Variants in UFD1 observed in about 807,000 individuals in gnomAD.
The protein encoded by UFD1 is ubiquitin recognition factor in ER-associated degradation protein 1.
A neutral mutation model predicts 45.9 loss-of-function variants in UFD1; 13 were observed. That is an observed-to-expected ratio of 0.28 (90% CI 0.18 to 0.45). The LOEUF (loss-of-function observed/expected upper bound fraction) is 0.45. UFD1 is among the 20% of genes least tolerant of loss of function. The pLI is 1.00. For synonymous variants in UFD1, 128 were observed against 139.2 expected (o/e 0.92, Z 0.56); for missense variants, 218 against 389.2 (o/e 0.56, Z 3.70).
intron 11 of UFD1, chr22:19,452,811 C>T (rs2089693574): frequency 6.5e-6 from 1 of 154,500 alleles, no homozygotes; most frequent in African/African-American, 2.4e-5. Context: ...AGGTGTGAGC[C>T]ATGGCGCTTG....
At position 19,456,588 on chromosome 22, in the gene UFD1, C is replaced by T. The variant is rs781669769; in HGVS notation, c.677G>A (p.Arg226His). The change falls in exon 9 of 12, where the codon CGC becomes CAC. Residue 226 changes from arginine (R) to histidine (H), a missense_variant and splice_region_variant. Around this residue, in one of 2 missense-constraint regions of UFD1, gnomAD observed 149 missense variants for 307.5 expected, o/e 0.48. Transcript: ENST00000263202. ...HSGYAGELGF[R>H]AFSGSGNRLD... ...TAAGTCAAGTGGTCTGGTACTCACG[C>T]GGAAGCCCAGCTCTCCAGCATAGCC... 9 of 1,614,044 alleles carry T rather than the reference C, an allele frequency of 5.6e-6. No homozygotes were observed. The highest frequency in any genetic ancestry group is 5.1e-6 in the Non-Finnish European group (6 of 1,180,050).
chr22:19,470,653 G>C (rs1309874201), intron 4 of UFD1: 7 of 437,218 alleles, frequency 1.6e-5, no homozygotes, highest in Admixed American at 4.9e-5. Context: ...TGTTGGCCAG[G>C]CTAGTCTCGA....
chr22:19,456,797 GGAA>G lies in UFD1; in HGVS notation c.630+53_630+55del, dbSNP rs2089726950. The G allele has an allele frequency of 3.1e-6, 5 of 1,613,816 alleles. No homozygotes were observed. In the Admixed American group the frequency reaches 6.7e-5, roughly 22 times the overall value. ...AGAGGCCACCCACGAGCCACTGCCA[GGAA>G]CTCAAAAGCAGCATGCAGCAGGACA... On this transcript the variant is annotated intron_variant, in intron 8 of 11. Coordinates refer to ENST00000263202, the MANE Select transcript of UFD1 (RefSeq NM_005659.7).
intron 4 of UFD1, 113 bp downstream of exon 4, chr22:19,471,574 C>A: frequency 6.8e-7 from 1 of 1,464,116 alleles, no homozygotes; most frequent in Non-Finnish European, 9.2e-7. Flanking sequence ...CAGGCTAAGA[C>A]GCTGAGCAGG....
At chr22:19,475,027 G>A in intron 3 of UFD1, 41 bp downstream of exon 3, 2 of 1,590,652 alleles carry the variant, frequency 1.3e-6, no homozygotes, top group Non-Finnish European at 1.7e-6. Context: ...GTGTCCATAT[G>A]TACATTATCT....
Position 19,456,916 on chromosome 22 carries a change from C to G in UFD1, c.567G>C (p.Val189=). 6.3e-7 allele frequency: 1 copy of G among 1,586,652 alleles called. No individual in the cohort carries two copies. Among genetic ancestry groups the G allele is most frequent in the Non-Finnish European group, 8.6e-7 (1 of 1,162,418 alleles). The change falls in exon 8 of 12, where the codon GTG becomes GTC. Residue 189 remains valine (V), a splice_region_variant and synonymous_variant. Coordinates refer to ENST00000263202, the MANE Select transcript of UFD1 (RefSeq NM_005659.7). ...AVSIIECDMN[V]DFDAPLGYKE... ...TGTAGCCCAGGGGAGCATCAAAGTC[C>G]ACCTGTGTTTCCAGGATTTTAAAAG...
At chr22:19,472,870 C>T (rs1286441322) in intron 3 of UFD1, among the ~76,000 whole-genome samples, 5 of 152,218 alleles carry the variant, frequency 3.3e-5, no homozygotes, top group Non-Finnish European at 7.3e-5. Flanking sequence ...AGGGATTCAA[C>T]CATCAAAGCA....
chr22:19,449,957 GGAA>G lies in UFD1; in HGVS notation c.*710_*712del, dbSNP rs1601882096. 1.3e-5 allele frequency: 2 copies of G among 152,314 alleles called. No homozygotes were observed. Among genetic ancestry groups the G allele is most frequent in the East Asian group, 1.9e-4 (1 of 5,190 alleles). 9.4% of individuals were successfully genotyped at this position (152,314 alleles called of 1,614,324 possible). A position where few individuals can be genotyped will look rare whatever the true frequency, so the allele number is the denominator to read the frequency against. ...ATTAAAATTGGGAGTTGGGGAGTAG[GGAA>G]GAAGGAGAGGAACATCTCTTTAGCA... On this transcript the variant is annotated 3_prime_UTR_variant, in exon 12 of 12. Coordinates refer to ENST00000263202, the MANE Select transcript of UFD1 (RefSeq NM_005659.7).
Position 19,450,462 on chromosome 22 carries a change from CTT to C in UFD1, c.*206_*207del, listed in dbSNP as rs1164174218. 1.6e-6 allele frequency: 1 copy of C among 621,160 alleles called. No homozygotes were observed. 38.5% of individuals were successfully genotyped at this position (621,160 alleles called of 1,614,324 possible). On this transcript the variant is annotated 3_prime_UTR_variant, in exon 12 of 12. Coordinates refer to ENST00000263202, the MANE Select transcript of UFD1 (RefSeq NM_005659.7). ...TATCTACAGGCCCTCAGGGACAGCT[CTT>C]TGTCTTTCCCCAAATCAAGCATACA...
At chr22:19,470,129 C>A in intron 4 of UFD1, 2 of 458,818 alleles carry the variant, frequency 4.4e-6, no homozygotes, top group Non-Finnish European at 8.8e-6. Flanking sequence ...CAGACAAACA[C>A]AAGAATAGCA....
At chr22:19,458,812 G>A (rs1478466263) in intron 6 of UFD1, among the ~76,000 whole-genome samples, 1 of 152,100 alleles carries the variant, frequency 6.6e-6, no homozygotes, top group African/African-American at 2.4e-5. Flanking sequence ...TCATACCAAC[G>A]TCACTAATAC....
intron 4 of UFD1, chr22:19,470,742 A>G (rs1260848234): frequency 4.4e-6 from 2 of 456,632 alleles, no homozygotes; most frequent in South Asian, 3.1e-5. Context: ...GTACCTGGCC[A>G]GAATTTCAAT....
chr22:19,461,102 T>G (rs1285697577), intron 6 of UFD1, among the ~76,000 whole-genome samples: 1 of 152,226 alleles, frequency 6.6e-6, no homozygotes. Context: ...TAAGTACTCA[T>G]GTAAGCGGAA....
chr22:19,479,016 C>A (rs554726401), intron 1 of UFD1, 67 bp downstream of exon 1: 1 of 1,527,588 alleles, frequency 6.5e-7, no homozygotes, highest in South Asian at 1.2e-5. Flanking sequence ...CCCGCCCTGC[C>A]CCGCCGGGCC....
rs1027080508 is a variant in UFD1, at chr22:19,449,990, T to C, written c.*680A>G. Reference sequence around the variant, plus strand: ...GAGAGGAACATCTCTTTAGCATTTGTTCATTCTAACATTCACATGTTTGCT... The same window carrying C: ...GAGAGGAACATCTCTTTAGCATTTGCTCATTCTAACATTCACATGTTTGCT... On this transcript the variant is annotated 3_prime_UTR_variant, in exon 12 of 12. Coordinates refer to ENST00000263202, the MANE Select transcript of UFD1 (RefSeq NM_005659.7). The C allele has an allele frequency of 3.9e-5, 6 of 152,220 alleles. No homozygotes were observed. Among genetic ancestry groups the C allele is most frequent in the African/African-American group, 1.4e-4 (6 of 41,464 alleles). 9.4% of individuals were successfully genotyped at this position (152,220 alleles called of 1,614,324 possible).
intron 11 of UFD1, chr22:19,454,470 A>T: frequency 1.4e-6 from 1 of 735,400 alleles, no homozygotes; most frequent in Non-Finnish European, 1.9e-6. Context: ...ATGGTTTTAT[A>T]AGTAGGTGTT....
chr22:19,467,676 G>A (rs1055972253), intron 5 of UFD1, 197 bp downstream of exon 5: 2 of 808,208 alleles, frequency 2.5e-6, no homozygotes, highest in African/African-American at 1.7e-5. Context: ...TGACAGAGGT[G>A]GCCCAGACAG....
intron 10 of UFD1, 91 bp downstream of exon 10, chr22:19,455,589 T>C (rs1007565667): frequency 2.4e-6 from 3 of 1,225,490 alleles, no homozygotes; most frequent in Non-Finnish European, 3.5e-6. Context: ...TGACCCAGGC[T>C]TTGTCTCCAG....
intron 6 of UFD1, among the ~76,000 whole-genome samples, chr22:19,463,589 G>C (rs1323752805): frequency 6.6e-6 from 1 of 152,168 alleles, no homozygotes; most frequent in East Asian, 1.9e-4. Flanking sequence ...TTTTTCCAGA[G>C]AGGATCTGTT....
Sources: allele counts gnomAD v4.1 joint callset (sites outside exome capture counted in the v4.1 genomes callset), GRCh38; gene constraint gnomAD v4.1.1; regional missense constraint gnomAD v4.1.1; transcripts MANE v1.5; gene names NCBI Gene and HGNC (gene_info 2026-07-23, HGNC 2026-07-21).